Variants in OOSP3 observed in about 807,000 individuals in gnomAD.
The protein encoded by OOSP3 is oocyte-secreted protein 3.
chr11:59,888,934 CTTTG>C (rs915071049), intron 2 of OOSP3, among the ~76,000 whole-genome samples: 19 of 151,676 alleles, frequency 1.3e-4, no homozygotes, highest in Admixed American at 3.9e-4. Flanking sequence ...TCCTGGGCTT[CTTTG>C]TTTGTTTGGT....
chr11:59,880,475 C>A (rs576359431), intron 2 of OOSP3, 36 bp downstream of exon 2: 2 of 398,194 alleles, frequency 5.0e-6, no homozygotes, highest in South Asian at 1.3e-4. Context: ...ATAAACTAAC[C>A]CCTAGGTTGT....
chr11:59,882,007 C>T (rs1282368906), intron 2 of OOSP3, among the ~76,000 whole-genome samples: 3 of 152,214 alleles, frequency 2.0e-5, no homozygotes, highest in Non-Finnish European at 2.9e-5. Context: ...TTCACATCTA[C>T]AAAACTTACT....
intron 2 of OOSP3, among the ~76,000 whole-genome samples, chr11:59,884,191 A>G (rs192148108): frequency 7.2e-5 from 11 of 152,368 alleles, no homozygotes; most frequent in Non-Finnish European, 2.9e-5. Context: ...ATGTGCACAC[A>G]TGTTCCGGAA....
At chr11:59,890,004 T>C (rs1853296105) in intron 2 of OOSP3, among the ~76,000 whole-genome samples, 1 of 152,222 alleles carries the variant, frequency 6.6e-6, no homozygotes, top group African/African-American at 2.4e-5. Context: ...TAGCTTTTCT[T>C]GTTGAATTGA....
At chr11:59,887,010 G>A (rs956221526) in intron 2 of OOSP3, among the ~76,000 whole-genome samples, 2 of 151,896 alleles carry the variant, frequency 1.3e-5, no homozygotes, top group Non-Finnish European at 2.9e-5. Flanking sequence ...GGCCAGGCTG[G>A]TCTTGAACTC....
intron 4 of OOSP3, 30 bp downstream of exon 4, chr11:59,895,682 G>A (rs960070742): frequency 3.0e-5 from 12 of 398,074 alleles, no homozygotes; most frequent in Middle Eastern, 6.2e-4. Flanking sequence ...ACAAAACATG[G>A]CAGTGTCCAT....
At chr11:59,882,066 C>T (rs910622470) in intron 2 of OOSP3, among the ~76,000 whole-genome samples, 1 of 151,910 alleles carries the variant, frequency 6.6e-6, no homozygotes, top group African/African-American at 2.4e-5. Flanking sequence ...GTGGTTTTTC[C>T]CATATTTCAA....
chr11:59,891,388 T>C (rs1038398490), intron 2 of OOSP3, among the ~76,000 whole-genome samples: 31 of 152,340 alleles, frequency 2.0e-4, no homozygotes, highest in African/African-American at 7.0e-4. Flanking sequence ...ATTTTTGTGT[T>C]GATTTTTCCT....
chr11:59,892,194 T>C (rs762630280), intron 2 of OOSP3, among the ~76,000 whole-genome samples: 1 of 152,148 alleles, frequency 6.6e-6, no homozygotes, highest in Non-Finnish European at 1.5e-5. Context: ...GTTCTGTGGG[T>C]TGTAAAAATC....
chr11:59,895,019 T>C (rs1257330203), intron 3 of OOSP3, among the ~76,000 whole-genome samples: 1 of 152,172 alleles, frequency 6.6e-6, no homozygotes, highest in African/African-American at 2.4e-5. Context: ...ATGGGCATAA[T>C]TGTATTAAAA....
intron 2 of OOSP3, among the ~76,000 whole-genome samples, chr11:59,890,288 T>C (rs185649345): frequency 2.6e-4 from 39 of 152,348 alleles, no homozygotes; most frequent in Middle Eastern, 3.4e-3. Flanking sequence ...TTAAGGTTGA[T>C]ATTGCTATGT....
chr11:59,894,605 C>A (rs758074081), intron 3 of OOSP3, among the ~76,000 whole-genome samples: 2 of 152,212 alleles, frequency 1.3e-5, no homozygotes, highest in Non-Finnish European at 2.9e-5. Flanking sequence ...AATAGCATTC[C>A]TGCTTGTTGT....
intron 2 of OOSP3, among the ~76,000 whole-genome samples, chr11:59,883,291 T>A (rs991258219): frequency 6.6e-6 from 1 of 152,198 alleles, no homozygotes; most frequent in African/African-American, 2.4e-5. Flanking sequence ...AAATACTAGT[T>A]TTAAAACTCA....
At chr11:59,888,502 C>G (rs1853282582) in intron 2 of OOSP3, among the ~76,000 whole-genome samples, 1 of 152,112 alleles carries the variant, frequency 6.6e-6, no homozygotes, top group Non-Finnish European at 1.5e-5. Flanking sequence ...GAGTTTTTAA[C>G]ATGAAGGGAT....
At chr11:59,881,693 C>T (rs971679171) in intron 2 of OOSP3, among the ~76,000 whole-genome samples, 1 of 152,154 alleles carries the variant, frequency 6.6e-6, no homozygotes, top group African/African-American at 2.4e-5. Flanking sequence ...GCCTGGCCAA[C>T]ATGGCAAAAC....
chr11:59,882,301 C>T (rs1328700806), intron 2 of OOSP3, among the ~76,000 whole-genome samples: 1 of 151,782 alleles, frequency 6.6e-6, no homozygotes, highest in Non-Finnish European at 1.5e-5. Flanking sequence ...AAAACCATTT[C>T]TAAAGTTTTC....
chr11:59,884,394 G>GT lies in OOSP3; in HGVS notation c.252+3966dup, dbSNP rs879882426. Among the ~76,000 whole-genome samples, 934 of 136,498 alleles carry GT rather than the reference G, an allele frequency of 6.8e-3. 6 individuals carry two copies. Among genetic ancestry groups the GT allele is most frequent in the African/African-American group, 0.019 (700 of 37,524 alleles). The allele number at this position is 136,498 out of a possible 152,430, so 89.5% of individuals were successfully genotyped here. ...GTGAGCATGCTTATTAGTTGTAATA[G>GT]TTTTTTTTTTTGGGTGGATCTCTTA... On this transcript the variant is annotated intron_variant, in intron 2 of 4. Coordinates refer to ENST00000646438, the Ensembl canonical transcript of OOSP3.
chr11:59,889,811 G>C lies in OOSP3; in HGVS notation c.253-4268G>C, dbSNP rs191955217. Among the ~76,000 whole-genome samples the C allele has an allele frequency of 2.8e-3, 429 of 152,306 alleles. 1 individual carries two copies. The highest frequency in any genetic ancestry group is 4.8e-3 in the Non-Finnish European group (325 of 68,030). On this transcript the variant is annotated intron_variant, in intron 2 of 4. Coordinates refer to ENST00000646438, the Ensembl canonical transcript of OOSP3. The stretch of plus-strand genomic sequence containing the variant: ...CTGTAGATATCTATCAGGTCCACTT[G>C]ATCCAGAGCTGAGTTCAAGTCCTGA...
At chr11:59,894,202 A>C (rs1325611089) in intron 3 of OOSP3, 26 bp downstream of exon 3, 1 of 396,924 alleles carries the variant, frequency 2.5e-6, no homozygotes, top group Non-Finnish European at 4.4e-6. Context: ...CAGATGGTTC[A>C]CAGTTTACCC....
Sources: allele counts gnomAD v4.1 joint callset (sites outside exome capture counted in the v4.1 genomes callset), GRCh38; gene constraint gnomAD v4.1.1; transcripts MANE v1.5; gene names NCBI Gene and HGNC (gene_info 2026-07-23, HGNC 2026-07-21).